MACROD2: variants seen among roughly 807,000 people sequenced by gnomAD.
The protein encoded by MACROD2 is ADP-ribose glycohydrolase MACROD2.
Under a neutral mutation model 70.4 loss-of-function variants are expected in MACROD2, and 36 were observed. The ratio of observed to expected loss-of-function variants is 0.51; its 90% CI spans 0.39 to 0.68. MACROD2 has a LOEUF of 0.68. Among genes scored for constraint, MACROD2 ranks in the 30% least tolerant of loss-of-function variants. The pLI is 0.00. For synonymous variants in MACROD2, 172 were observed against 178.8 expected (o/e 0.96, Z 0.30); for missense variants, 496 against 538.4 (o/e 0.92, Z 0.78).
At position 14,951,423 on chromosome 20, in the gene MACROD2, G is replaced by T. The variant is rs185435817; in HGVS notation, c.418+266464G>T. Among the ~76,000 whole-genome samples, 732 of 152,188 alleles carry T rather than the reference G, an allele frequency of 4.8e-3. 5 individuals carry two copies. The highest frequency in any genetic ancestry group is 0.017 in the Middle Eastern group (5 of 294). Reference sequence around the variant, plus strand: ...CACCTCCTTTGATCAATGAGTAATGGCTTCTCAGAGCACTCTATTGAGAAG... The same window carrying T: ...CACCTCCTTTGATCAATGAGTAATGTCTTCTCAGAGCACTCTATTGAGAAG... On this transcript the variant is annotated intron_variant, in intron 5 of 17. Transcript: ENST00000684519.
At chr20:15,065,483 A>G (rs867433026) in intron 5 of MACROD2, among the ~76,000 whole-genome samples, 36 of 152,040 alleles carry the variant, frequency 2.4e-4, no homozygotes, top group African/African-American at 8.0e-4. Context: ...GTGAAACCCC[A>G]TCTCTACTAA....
chr20:15,144,725 A>G (rs1394315763), intron 5 of MACROD2, among the ~76,000 whole-genome samples: 4 of 152,288 alleles, frequency 2.6e-5, no homozygotes, highest in African/African-American at 9.6e-5. Context: ...GACAAATGTT[A>G]TGTCCAGCGG....
At position 15,982,207 on chromosome 20, in the gene MACROD2, C is replaced by T. The variant is rs146640155; in HGVS notation, c.986-4520C>T. On this transcript the variant is annotated intron_variant, in intron 13 of 17. Transcript: ENST00000684519. ...GGTTCAGAGGGGTCATAGCACACAT[C>T]GGGCAGGTCACTTCCTGGATTACAT... Among the ~76,000 whole-genome samples the T allele has an allele frequency of 4.6e-4, 70 of 152,142 alleles. 1 individual carries two copies. The East Asian group carries it at 7.7e-3, about 17-fold the overall frequency.
At chr20:15,246,409 T>C (rs2077106238) in intron 6 of MACROD2, among the ~76,000 whole-genome samples, 1 of 152,216 alleles carries the variant, frequency 6.6e-6, no homozygotes, top group South Asian at 2.1e-4. Flanking sequence ...TTTTATAATA[T>C]CTTTGTGGTA....
intron 6 of MACROD2, among the ~76,000 whole-genome samples, chr20:15,337,472 G>T (rs1268795901): frequency 6.6e-6 from 1 of 151,534 alleles, no homozygotes; most frequent in Non-Finnish European, 1.5e-5. Flanking sequence ...CTGCATAAAG[G>T]TTTTATTTAT....
At chr20:15,968,621 A>G (rs369483894) in intron 13 of MACROD2, among the ~76,000 whole-genome samples, 1 of 151,884 alleles carries the variant, frequency 6.6e-6, no homozygotes, top group South Asian at 2.1e-4. Context: ...TCTTACCTAA[A>G]TATATGTCTT....
chr20:15,654,376 G>C (rs1288965797), intron 8 of MACROD2, among the ~76,000 whole-genome samples: 1 of 152,210 alleles, frequency 6.6e-6, no homozygotes, highest in African/African-American at 2.4e-5. Flanking sequence ...CAGCCTGGGG[G>C]AAAATGCTTG....
chr20:14,191,273 C>T (rs2081386080), intron 3 of MACROD2, among the ~76,000 whole-genome samples: 1 of 152,102 alleles, frequency 6.6e-6, no homozygotes. Context: ...TGATATTTTC[C>T]CTAAGCATGT....
At chr20:14,362,542 G>C (rs1388908363) in intron 3 of MACROD2, among the ~76,000 whole-genome samples, 3 of 152,094 alleles carry the variant, frequency 2.0e-5, no homozygotes, top group Non-Finnish European at 4.4e-5. Flanking sequence ...TGAAGCATTT[G>C]TGTAAAAATT....
chr20:14,420,009 TG>T (rs2083857166), intron 3 of MACROD2, among the ~76,000 whole-genome samples: 1 of 152,058 alleles, frequency 6.6e-6, no homozygotes, highest in Non-Finnish European at 1.5e-5. Flanking sequence ...CATTCTTGTG[TG>T]TATATCTACG....
intron 3 of MACROD2, among the ~76,000 whole-genome samples, chr20:14,454,182 ATTG>A (rs1568618797): frequency 6.6e-6 from 1 of 151,934 alleles, no homozygotes; most frequent in Non-Finnish European, 1.5e-5. Flanking sequence ...AGGATGAAAA[ATTG>A]TTGTATGTTT....
intron 13 of MACROD2, among the ~76,000 whole-genome samples, chr20:15,968,797 G>GTATATATATA (rs35259261): frequency 2.8e-5 from 3 of 106,810 alleles, no homozygotes; most frequent in African/African-American, 3.4e-5. Flanking sequence ...TATATTATGC[G>GTATATATATA]TATATATATA....
At chr20:14,770,800 T>G (rs138342180) in intron 5 of MACROD2, among the ~76,000 whole-genome samples, 1 of 152,096 alleles carries the variant, frequency 6.6e-6, no homozygotes, top group Non-Finnish European at 1.5e-5. Context: ...AAGTCTTTAT[T>G]GGAAGTTGTA....
At chr20:15,778,531 C>T (rs2051771159) in intron 8 of MACROD2, among the ~76,000 whole-genome samples, 1 of 152,036 alleles carries the variant, frequency 6.6e-6, no homozygotes, top group Non-Finnish European at 1.5e-5. Flanking sequence ...ATTTCTGCTT[C>T]ACAGATTTTG....
chr20:15,989,521 A>G (rs1019371113), intron 15 of MACROD2, among the ~76,000 whole-genome samples: 3 of 152,220 alleles, frequency 2.0e-5, no homozygotes, highest in Non-Finnish European at 4.4e-5. Flanking sequence ...TTTAAAAAAG[A>G]AACCATTGAG....
chr20:14,516,032 T>C (rs1161227656), intron 4 of MACROD2, among the ~76,000 whole-genome samples: 1 of 147,860 alleles, frequency 6.8e-6, no homozygotes, highest in Admixed American at 6.8e-5. Context: ...TAATATACTT[T>C]ATAGTATCTA....
intron 15 of MACROD2, among the ~76,000 whole-genome samples, chr20:16,025,983 T>TAAA (rs71192315): frequency 7.1e-5 from 10 of 140,002 alleles, no homozygotes; most frequent in South Asian, 2.4e-4. Flanking sequence ...CCATCTCTAC[T>TAAA]AAAAAAAAAA....
intron 3 of MACROD2, among the ~76,000 whole-genome samples, chr20:14,331,861 A>G (rs1433943830): frequency 6.6e-6 from 1 of 152,124 alleles, no homozygotes; most frequent in African/African-American, 2.4e-5. Flanking sequence ...GAAAAGAAAA[A>G]TGACCCCCAC....
intron 13 of MACROD2, 53 bp downstream of exon 13, chr20:15,967,683 A>C: frequency 2.6e-5 from 19 of 726,856 alleles, no homozygotes; most frequent in Middle Eastern, 3.7e-4. Flanking sequence ...GGGAAACAGA[A>C]AAAAAAAAAA....
Sources: gnomAD v4.1 joint callset for allele counts (sites outside exome capture counted in the v4.1 genomes callset) on GRCh38, gnomAD v4.1.1 for gene constraint, MANE v1.5 for transcripts, NCBI Gene and HGNC (gene_info 2026-07-23, HGNC 2026-07-21) for gene names.